COMMD1: variants seen among roughly 807,000 people sequenced by gnomAD.
COMMD1 encodes COMM domain-containing protein 1.
In COMMD1, 10 loss-of-function variants were observed where a neutral mutation model predicts 17.2. That is an observed-to-expected ratio of 0.58 (90% CI 0.36 to 0.99). COMMD1 has a LOEUF of 0.99. Among genes scored for constraint, COMMD1 ranks in the 50% least tolerant of loss-of-function variants. The pLI is 0.01. For missense variants in COMMD1, 270 were observed against 231.8 expected (o/e 1.17, Z -1.07); for synonymous variants, 97 against 91.6 (o/e 1.06, Z -0.34).
At chr2:61,996,324 G>A (rs978647276) in intron 1 of COMMD1, among the ~76,000 whole-genome samples, 180 of 147,694 alleles carry the variant, frequency 1.2e-3, no homozygotes, top group Middle Eastern at 3.5e-3. Context: ...ATGTGTGTGT[G>A]TGTGTGTGTG....
At chr2:61,965,821 T>C (rs999556453) in intron 1 of COMMD1, among the ~76,000 whole-genome samples, 1 of 152,198 alleles carries the variant, frequency 6.6e-6, no homozygotes, top group African/African-American at 2.4e-5. Flanking sequence ...TTTTGTTAGT[T>C]CTTCGCTTTT....
intron 2 of COMMD1, among the ~76,000 whole-genome samples, chr2:62,021,003 C>CA (rs754379532): frequency 0.029 from 2,935 of 100,564 alleles, 57 homozygotes; most frequent in African/African-American, 0.078. Context: ...AAGTCCGTCT[C>CA]AAAAAAAAAA....
intron 1 of COMMD1, among the ~76,000 whole-genome samples, chr2:61,892,937 A>G (rs531696201): frequency 1.3e-5 from 2 of 151,670 alleles, no homozygotes; most frequent in South Asian, 2.1e-4. Context: ...GCGCAATCTC[A>G]GCTCACTGCA....
At chr2:62,040,525 A>G (rs1239236021) in intron 2 of COMMD1, among the ~76,000 whole-genome samples, 1 of 152,198 alleles carries the variant, frequency 6.6e-6, no homozygotes, top group African/African-American at 2.4e-5. Flanking sequence ...GAAATTAGAC[A>G]TAATATCCCT....
intron 1 of COMMD1, among the ~76,000 whole-genome samples, chr2:61,950,070 C>A (rs1388711038): frequency 6.6e-6 from 1 of 152,186 alleles, no homozygotes; most frequent in East Asian, 1.9e-4. Flanking sequence ...ACCCGAAGAA[C>A]TAGTTCCTAA....
At chr2:62,116,676 C>CAAAAAA (rs70962759) in intron 2 of COMMD1, among the ~76,000 whole-genome samples, 1 of 28,540 alleles carries the variant, frequency 3.5e-5, no homozygotes, top group Non-Finnish European at 6.0e-5. Flanking sequence ...TGTCTCATTA[C>CAAAAAA]AAAAAAAAAA....
chr2:61,986,691 C>T (rs1357046412), intron 1 of COMMD1, among the ~76,000 whole-genome samples: 2 of 151,036 alleles, frequency 1.3e-5, no homozygotes, highest in African/African-American at 4.9e-5. Context: ...GCTTCAGCCT[C>T]CCAAATAGCT....
intron 2 of COMMD1, 127 bp downstream of exon 2, chr2:62,001,109 T>G: frequency 3.1e-6 from 3 of 959,354 alleles, no homozygotes; most frequent in Non-Finnish European, 4.8e-6. Flanking sequence ...GAATCCTTTT[T>G]CAGAGGTAGA....
chr2:62,133,233 G>C (rs1046542826), intron 2 of COMMD1, among the ~76,000 whole-genome samples: 2 of 152,202 alleles, frequency 1.3e-5, no homozygotes, highest in Non-Finnish European at 2.9e-5. Flanking sequence ...CTCCTTGGGA[G>C]ATGTTCACTG....
chr2:61,986,965 G>C (rs1672122185), intron 1 of COMMD1, among the ~76,000 whole-genome samples: 1 of 152,138 alleles, frequency 6.6e-6, no homozygotes, highest in Non-Finnish European at 1.5e-5. Flanking sequence ...CTGCTTTTAA[G>C]ATACTCTGAT....
At position 61,930,620 on chromosome 2, in the gene COMMD1, TGTG is replaced by T. The variant is rs1558525475; in HGVS notation, c.180+24763_180+24765del. Among the ~76,000 whole-genome samples, 18 of 56,870 alleles carry T rather than the reference TGTG, an allele frequency of 3.2e-4. No individual in the cohort carries two copies. The East Asian group carries it at 0.015, about 47-fold the overall frequency. 37.3% of individuals were successfully genotyped at this position (56,870 alleles called of 152,430 possible). A position where few individuals can be genotyped will look rare whatever the true frequency, so the allele number is the denominator to read the frequency against. ...CTATTGGATAAACCACAGGGTTTTG[TGTG>T]TGTGTGTGTGTGTGTGTGTGTGTGT... On this transcript the variant is annotated intron_variant, in intron 1 of 2. Transcript: ENST00000311832.
intron 2 of COMMD1, among the ~76,000 whole-genome samples, chr2:62,017,139 CAG>C (rs1669471370): frequency 1.3e-5 from 2 of 152,104 alleles, no homozygotes; most frequent in African/African-American, 4.8e-5. Flanking sequence ...TTTTTATTGC[CAG>C]AGTTATTAAC....
In COMMD1 at chr2:61,974,060, G is replaced by A. The variant is rs574575397; in HGVS notation, c.181-26641G>A. ...CAGTAATCCCAGCACTTGGGAGGCT[G>A]AGGTGGGCAGATCACTTGAGGTCAG... On this transcript the variant is annotated intron_variant, in intron 1 of 2. Coordinates refer to ENST00000311832, the MANE Select transcript of COMMD1 (RefSeq NM_152516.4). 3.3e-4 allele frequency among the ~76,000 whole-genome samples: 51 copies of A among 152,278 alleles called. No homozygotes were observed. The Middle Eastern group carries it at 0.027, about 81-fold the overall frequency.
At chr2:61,998,573 T>A (rs751013935) in intron 1 of COMMD1, among the ~76,000 whole-genome samples, 4 of 152,220 alleles carry the variant, frequency 2.6e-5, no homozygotes, top group Non-Finnish European at 4.4e-5. Flanking sequence ...TTTTGCTTTC[T>A]TGTCATTTGT....
chr2:61,980,930 T>C (rs1671937230), intron 1 of COMMD1, among the ~76,000 whole-genome samples: 1 of 152,244 alleles, frequency 6.6e-6, no homozygotes, highest in Admixed American at 6.5e-5. Flanking sequence ...TTTTCATGTA[T>C]GTTTGCCTTT....
chr2:62,069,430 T>C (rs535578884), intron 2 of COMMD1: 1 of 152,318 alleles, frequency 6.6e-6, no homozygotes, highest in East Asian at 1.9e-4. Flanking sequence ...TAGGAAATAA[T>C]GTGACAGAAG....
chr2:61,952,927 A>G (rs1572996447), intron 1 of COMMD1, among the ~76,000 whole-genome samples: 1 of 152,218 alleles, frequency 6.6e-6, no homozygotes, highest in East Asian at 1.9e-4. Context: ...TGATGGTGAT[A>G]ACTGCACCAT....
At chr2:61,948,329 C>T (rs1427341062) in intron 1 of COMMD1, among the ~76,000 whole-genome samples, 11 of 152,134 alleles carry the variant, frequency 7.2e-5, no homozygotes, top group Admixed American at 6.6e-4. Context: ...CAGGCATTAA[C>T]TCCAAAAACA....
intron 1 of COMMD1, among the ~76,000 whole-genome samples, chr2:61,952,506 C>G (rs140612235): frequency 6.6e-6 from 1 of 152,186 alleles, no homozygotes; most frequent in East Asian, 1.9e-4. Flanking sequence ...CTTGACTCAG[C>G]TGGTCCTGTG....
Sources: allele counts gnomAD v4.1 joint callset (sites outside exome capture counted in the v4.1 genomes callset), GRCh38; gene constraint gnomAD v4.1.1; transcripts MANE v1.5; gene names NCBI Gene and HGNC (gene_info 2026-07-23, HGNC 2026-07-21).